LRRIQ3: variants seen among roughly 807,000 people sequenced by gnomAD.
LRRIQ3 encodes leucine rich repeats and IQ motif containing 3.
In LRRIQ3, 75 loss-of-function variants were observed where a neutral mutation model predicts 59.3. The ratio of observed to expected loss-of-function variants is 1.26; its 90% CI spans 1.05 to 1.53. LRRIQ3 has a LOEUF of 1.53. LRRIQ3 is among the 40% of genes most tolerant of loss of function. The pLI is 0.00. For synonymous variants in LRRIQ3, 250 were observed against 231.3 expected, an observed-to-expected ratio of 1.08 and a Z score of -0.73; for missense variants, 831 against 710.0, an observed-to-expected ratio of 1.17 and a Z score of -1.94.
chr1:74,120,049 T>G (rs1272568842), intron 4 of LRRIQ3, among the ~76,000 whole-genome samples: 3 of 152,072 alleles, frequency 2.0e-5, no homozygotes, highest in Non-Finnish European at 4.4e-5. Context: ...TGGTATTTAT[T>G]TATATATGTT....
intron 5 of LRRIQ3, among the ~76,000 whole-genome samples, chr1:74,090,167 T>C (rs1361992028): frequency 2.0e-5 from 3 of 152,032 alleles, no homozygotes; most frequent in Non-Finnish European, 4.4e-5. Context: ...TTACTAGCTA[T>C]AACACTTCCA....
chr1:74,048,901 T>G (rs1478502577), intron 6 of LRRIQ3, among the ~76,000 whole-genome samples: 1 of 152,170 alleles, frequency 6.6e-6, no homozygotes, highest in African/African-American at 2.4e-5. Flanking sequence ...CTCATGAAAC[T>G]TCTAGTGGAG....
rs1476814491 is a variant in LRRIQ3 at position 74,183,643 on chromosome 1, T to A, written c.42A>T (p.Glu14Asp). 6.2e-7 allele frequency: 1 copy of A among 1,609,812 alleles called. No homozygotes were observed. The highest frequency in any genetic ancestry group is 1.7e-5 in the Admixed American group (1 of 59,522). Residue 14 changes from glutamate (E) to aspartate (D), a missense_variant, in exon 2 of 8, where the codon GAA becomes GAT. Transcript: ENST00000354431. ...TGTTTTCATTATAGTGACTCCATTCTTCATGACTGGTTAGCTCTTCTGTGA... is the reference window on the plus strand; with the variant it reads ...TGTTTTCATTATAGTGACTCCATTCATCATGACTGGTTAGCTCTTCTGTGA... ...GTVTEELTSHEEWSHYNENIR... is the reference protein window; with the variant it reads ...GTVTEELTSHDEWSHYNENIR...
intron 4 of LRRIQ3, among the ~76,000 whole-genome samples, chr1:74,122,398 C>A (rs574123508): frequency 6.6e-6 from 1 of 152,112 alleles, no homozygotes; most frequent in Non-Finnish European, 1.5e-5. Context: ...AGTGTCTGTT[C>A]ATATCCTTCG....
chr1:74,082,918 T>C (rs1474896609), intron 5 of LRRIQ3: 2 of 151,612 alleles, frequency 1.3e-5, no homozygotes, highest in African/African-American at 4.8e-5. Flanking sequence ...ATATATTCAT[T>C]TTAGGATTTC....
At chr1:74,166,798 T>C (rs1020106979) in intron 3 of LRRIQ3, among the ~76,000 whole-genome samples, 11 of 151,720 alleles carry the variant, frequency 7.3e-5, no homozygotes, top group African/African-American at 2.4e-4. Context: ...AGGACATGAA[T>C]AGACAATTCT....
intron 4 of LRRIQ3, among the ~76,000 whole-genome samples, chr1:74,137,692 C>A (rs2100627692): frequency 6.6e-6 from 1 of 152,064 alleles, no homozygotes; most frequent in East Asian, 1.9e-4. Flanking sequence ...TGGAACCAAC[C>A]CAAATGTCCA....
At chr1:74,080,339 T>G (rs1646259968) in intron 5 of LRRIQ3, among the ~76,000 whole-genome samples, 1 of 151,690 alleles carries the variant, frequency 6.6e-6, no homozygotes, top group Non-Finnish European at 1.5e-5. Context: ...TTGGAATAGA[T>G]TATCTGAGGA....
At chr1:74,179,422 C>A (rs1649845508) in intron 3 of LRRIQ3, among the ~76,000 whole-genome samples, 1 of 151,888 alleles carries the variant, frequency 6.6e-6, no homozygotes, top group East Asian at 1.9e-4. Flanking sequence ...GCATATGCTT[C>A]TTTAATTTCT....
At chr1:74,185,059 T>C (rs1270446987) in intron 1 of LRRIQ3, among the ~76,000 whole-genome samples, 1 of 152,230 alleles carries the variant, frequency 6.6e-6, no homozygotes, top group African/African-American at 2.4e-5. Context: ...ATTCACCTAT[T>C]GAAAATGTCT....
chr1:74,190,257 T>C (rs1199012573), intron 1 of LRRIQ3, among the ~76,000 whole-genome samples: 1 of 151,900 alleles, frequency 6.6e-6, no homozygotes, highest in Non-Finnish European at 1.5e-5. Flanking sequence ...ATGGCTCTAA[T>C]AGAAAAAGTA....
At chr1:74,114,370 A>C (rs1646748832) in intron 4 of LRRIQ3, among the ~76,000 whole-genome samples, 1 of 152,120 alleles carries the variant, frequency 6.6e-6, no homozygotes, top group Non-Finnish European at 1.5e-5. Flanking sequence ...TGCTATATAG[A>C]AGTAATGTCT....
chr1:74,077,149 T>A (rs1395915448), intron 5 of LRRIQ3, among the ~76,000 whole-genome samples: 1 of 151,922 alleles, frequency 6.6e-6, no homozygotes, highest in Admixed American at 6.6e-5. Context: ...TAACAACAAC[T>A]CTAAATACTT....
chr1:74,130,104 C>A (rs753554397), intron 4 of LRRIQ3, among the ~76,000 whole-genome samples: 29 of 152,138 alleles, frequency 1.9e-4, no homozygotes, highest in Non-Finnish European at 4.0e-4. Flanking sequence ...GCTTCTCTGG[C>A]ATCTCATTTG....
intron 4 of LRRIQ3, among the ~76,000 whole-genome samples, chr1:74,147,669 A>G (rs552089928): frequency 8.5e-5 from 13 of 152,180 alleles, no homozygotes; most frequent in Non-Finnish European, 1.6e-4. Context: ...TCTGAGGGGG[A>G]TTTCCTTATA....
At chr1:74,098,703 T>C (rs1483863009) in intron 5 of LRRIQ3, among the ~76,000 whole-genome samples, 2 of 152,114 alleles carry the variant, frequency 1.3e-5, no homozygotes, top group African/African-American at 4.8e-5. Flanking sequence ...TAACAAACTG[T>C]CTCTCAGACC....
At chr1:74,085,105 G>A (rs1646313095) in intron 5 of LRRIQ3, among the ~76,000 whole-genome samples, 1 of 151,618 alleles carries the variant, frequency 6.6e-6, no homozygotes, top group South Asian at 2.1e-4. Flanking sequence ...ATATCACAAT[G>A]ATAAGCAGAT....
chr1:74,115,769 C>T (rs1055638222), intron 4 of LRRIQ3, among the ~76,000 whole-genome samples: 7 of 151,998 alleles, frequency 4.6e-5, no homozygotes, highest in Non-Finnish European at 1.0e-4. Context: ...TACAGTTTAG[C>T]TTCAGGGTCA....
intron 7 of LRRIQ3, among the ~76,000 whole-genome samples, chr1:74,031,985 A>T (rs994255399): frequency 6.6e-6 from 1 of 151,948 alleles, no homozygotes; most frequent in Non-Finnish European, 1.5e-5. Flanking sequence ...ATTTAAAAAG[A>T]TCTAAATTAA....
Sources: allele counts gnomAD v4.1 joint callset (sites outside exome capture counted in the v4.1 genomes callset), GRCh38; gene constraint gnomAD v4.1.1; transcripts MANE v1.5; gene names NCBI Gene and HGNC (gene_info 2026-07-23, HGNC 2026-07-21).